The following AK9 variants were observed in gnomAD, a reference collection of about 807,000 sequenced individuals.
The protein encoded by AK9 is adenylate kinase 9.
In AK9, 191 loss-of-function variants were observed where a neutral mutation model predicts 239.6. The ratio of observed to expected loss-of-function variants is 0.80; its 90% CI spans 0.71 to 0.90. The LOEUF (loss-of-function observed/expected upper bound fraction) is 0.90, where lower values mean the gene tolerates loss of function less well. Among genes scored for constraint, AK9 ranks in the 40% least tolerant of loss-of-function variants. The pLI, the probability that AK9 is intolerant of heterozygous loss-of-function variation, is 0.00. For synonymous variants in AK9, 689 were observed against 721.0 expected (o/e 0.96, Z 0.71); for missense variants, 1,995 against 2,214.7 (o/e 0.90, Z 1.99).
chr6:109,535,160 A>G (rs994877903), intron 27 of AK9, among the ~76,000 whole-genome samples: 11 of 152,216 alleles, frequency 7.2e-5, no homozygotes, highest in Non-Finnish European at 1.5e-4. Flanking sequence ...TTCTAGTTCT[A>G]GATCCTTGAG....
At chr6:109,583,908 A>C (rs1419649539) in intron 19 of AK9, among the ~76,000 whole-genome samples, 1 of 152,166 alleles carries the variant, frequency 6.6e-6, no homozygotes, top group Non-Finnish European at 1.5e-5. Context: ...GTTCTCACAC[A>C]CTGGAAAAAG....
chr6:109,585,766 G>T, intron 18 of AK9, 150 bp downstream of exon 18: 1 of 679,454 alleles, frequency 1.5e-6, no homozygotes, highest in Non-Finnish European at 2.3e-6. Context: ...GTATATGGAA[G>T]CCTCATTTTG....
At chr6:109,649,207 C>A (rs1182448537) in intron 8 of AK9, among the ~76,000 whole-genome samples, 4 of 152,084 alleles carry the variant, frequency 2.6e-5, no homozygotes, top group Non-Finnish European at 5.9e-5. Context: ...TCTCTCACCA[C>A]TCCTATTCAA....
chr6:109,658,477 G>C lies in AK9; in HGVS notation c.630+751C>G, dbSNP rs551051941. On this transcript the variant is annotated intron_variant, in intron 7 of 40. Coordinates refer to ENST00000424296, the MANE Select transcript of AK9 (RefSeq NM_001145128.3). ...GAAAATAAAACAGAGCAAAGGGTTA[G>C]ACTTAGGCTATCCAGCACGGAAGTT... Among the ~76,000 whole-genome samples, 31 of 152,250 alleles carry C rather than the reference G, an allele frequency of 2.0e-4. No individual in the cohort carries two copies. In the South Asian group the frequency reaches 3.1e-3, roughly 15 times the overall value.
chr6:109,576,138 T>C (rs1405904326), intron 20 of AK9, among the ~76,000 whole-genome samples: 1 of 152,186 alleles, frequency 6.6e-6, no homozygotes, highest in Admixed American at 6.5e-5. Context: ...TTGCTTAGTC[T>C]TCCTTGGCTA....
intron 26 of AK9, 35 bp downstream of exon 26, chr6:109,545,832 C>A: frequency 6.4e-7 from 1 of 1,567,450 alleles, no homozygotes; most frequent in Non-Finnish European, 8.6e-7. Flanking sequence ...ACAGCAAAAA[C>A]AAAACAAACA....
intron 3 of AK9, among the ~76,000 whole-genome samples, chr6:109,673,016 T>C (rs947610729): frequency 6.6e-6 from 1 of 152,184 alleles, no homozygotes; most frequent in Non-Finnish European, 1.5e-5. Flanking sequence ...ATTTATTTCC[T>C]TTAAAAGAGG....
chr6:109,511,021 A>G (rs1294652102), intron 32 of AK9, among the ~76,000 whole-genome samples: 1 of 150,446 alleles, frequency 6.6e-6, no homozygotes, highest in Non-Finnish European at 1.5e-5. Context: ...TACTTCAGGT[A>G]TGTGGCTGAT....
At chr6:109,657,028 T>C in intron 7 of AK9, 144 bp from the exon 8 acceptor site, 1 of 935,448 alleles carries the variant, frequency 1.1e-6, no homozygotes, top group Non-Finnish European at 1.6e-6. Flanking sequence ...GGATTTTTAT[T>C]TAAGAGAATG....
At position 109,619,336 on chromosome 6, in the gene AK9, CTA is replaced by C. The variant is rs1794554490; in HGVS notation, c.1255-102_1255-101del. 2.4e-6 allele frequency: 3 copies of C among 1,253,608 alleles called. No homozygotes were observed. In the South Asian group the frequency reaches 6.1e-5, roughly 26 times the overall value. 77.7% of individuals were successfully genotyped at this position (1,253,608 alleles called of 1,614,324 possible). A position where few individuals can be genotyped will look rare whatever the true frequency, so the allele number is the denominator to read the frequency against. On this transcript the variant is annotated intron_variant, in intron 12 of 40. Transcript: ENST00000424296. Reference sequence around the variant, plus strand: ...TGTATATCTATCTATATTTCTATCTCTATTCCAAAAATATTAATACTGCTTGA... The same window carrying C: ...TGTATATCTATCTATATTTCTATCTCTTCCAAAAATATTAATACTGCTTGA...
intron 25 of AK9, 92 bp downstream of exon 25, chr6:109,549,998 G>T: frequency 7.6e-7 from 1 of 1,323,834 alleles, no homozygotes; most frequent in Non-Finnish European, 1.0e-6. Context: ...ATCAGATTGG[G>T]GATTTCACCC....
chr6:109,629,376 C>T (rs1360475060), intron 12 of AK9, among the ~76,000 whole-genome samples: 5 of 152,068 alleles, frequency 3.3e-5, no homozygotes, highest in African/African-American at 9.7e-5. Flanking sequence ...ATGGTTAAAA[C>T]ATCATTATGT....
chr6:109,666,928 G>A (rs1177251738), intron 5 of AK9, among the ~76,000 whole-genome samples: 1 of 152,188 alleles, frequency 6.6e-6, no homozygotes, highest in Non-Finnish European at 1.5e-5. Flanking sequence ...GGAATGCCCA[G>A]ACTGGGGCTA....
At chr6:109,573,127 A>G (rs1787632853) in intron 21 of AK9, among the ~76,000 whole-genome samples, 1 of 152,218 alleles carries the variant, frequency 6.6e-6, no homozygotes, top group South Asian at 2.1e-4. Context: ...AAATTGAGAG[A>G]CAGACTATGG....
In AK9 at chr6:109,499,161, G is replaced by A. The variant is rs1397903189; in HGVS notation, c.4929C>T (p.Cys1643=). 12 of 1,603,536 alleles carry A rather than the reference G, an allele frequency of 7.5e-6. No individual in the cohort carries two copies. Among genetic ancestry groups the A allele is most frequent in the Non-Finnish European group, 1.0e-5 (12 of 1,174,658 alleles). Reference sequence around the variant, plus strand: ...CCTGGGATTCTGCCAGGCTGACAGGGCAGAACTGTTCAAATTCTCCCAGGC... The same window carrying A: ...CCTGGGATTCTGCCAGGCTGACAGGACAGAACTGTTCAAATTCTCCCAGGC... ...LSRLGEFEQF[C]PVSLAESQEL... The change falls in exon 36 of 41, where the codon TGC becomes TGT. Residue 1643 remains cysteine, a synonymous_variant. Coordinates refer to ENST00000424296, the MANE Select transcript of AK9 (RefSeq NM_001145128.3).
chr6:109,612,363 C>T (rs561089805), intron 15 of AK9, among the ~76,000 whole-genome samples: 1 of 152,262 alleles, frequency 6.6e-6, no homozygotes, highest in Admixed American at 6.5e-5. Flanking sequence ...AGGCAACTAA[C>T]ACCCTCTTGA....
intron 10 of AK9, among the ~76,000 whole-genome samples, chr6:109,638,772 G>A (rs2128282768): frequency 6.6e-6 from 1 of 152,246 alleles, no homozygotes; most frequent in African/African-American, 2.4e-5. Flanking sequence ...ATTTACATTA[G>A]GTATTTCTCC....
intron 12 of AK9, chr6:109,632,281 T>C (rs1796164336): frequency 2.0e-6 from 2 of 985,454 alleles, no homozygotes; most frequent in Non-Finnish European, 2.4e-6. Flanking sequence ...GCTCTGTCTT[T>C]AGCCATGATC....
At chr6:109,562,733 C>A (rs1785936245) in intron 24 of AK9, among the ~76,000 whole-genome samples, 1 of 136,298 alleles carries the variant, frequency 7.3e-6, no homozygotes, top group Non-Finnish European at 1.6e-5. Context: ...CTACCCAATG[C>A]TCTGTGAATT....
Sources: allele counts gnomAD v4.1 joint callset (sites outside exome capture counted in the v4.1 genomes callset), GRCh38; gene constraint gnomAD v4.1.1; transcripts MANE v1.5; gene names NCBI Gene and HGNC (gene_info 2026-07-23, HGNC 2026-07-21).